FOXP2: variants seen among roughly 807,000 people sequenced by gnomAD.
FOXP2 encodes forkhead box P2.
Under a neutral mutation model 115.8 loss-of-function variants are expected in FOXP2, and 12 were observed. The ratio of observed to expected loss-of-function variants is 0.10; its 90% CI spans 0.07 to 0.17. FOXP2 has a LOEUF of 0.17. FOXP2 is among the 10% of genes least tolerant of loss of function. FOXP2 has a pLI of 1.00. For missense variants in FOXP2, 629 were observed against 843.5 expected (o/e 0.75, Z 3.15); for synonymous variants, 328 against 297.7 (o/e 1.10, Z -1.05).
intron 3 of FOXP2, among the ~76,000 whole-genome samples, chr7:114,549,797 AT>A (rs1252292110): frequency 6.6e-6 from 1 of 151,474 alleles, no homozygotes; most frequent in African/African-American, 2.4e-5. Flanking sequence ...TTAAAAAAAA[AT>A]AGTATAATAA....
At chr7:114,176,298 T>TTCTCTCTCTCTCTCTCTCTCTCTC (rs1554426487) in intron 1 of FOXP2, among the ~76,000 whole-genome samples, 11 of 76,570 alleles carry the variant, frequency 1.4e-4, no homozygotes, top group African/African-American at 5.4e-4. Context: ...CTTTCTTTCT[T>TTCTCTCTCTCTCTCTCTCTCTCTC]TCTCTCTCTC....
chr7:114,372,972 C>G (rs1055847772), intron 2 of FOXP2, among the ~76,000 whole-genome samples: 2 of 151,928 alleles, frequency 1.3e-5, no homozygotes, highest in African/African-American at 4.8e-5. Context: ...TGTAATCATA[C>G]TGGCACGAAA....
chr7:114,653,407 T>A, intron 9 of FOXP2: 1 of 162,060 alleles, frequency 6.2e-6, no homozygotes, highest in South Asian at 1.8e-4. Flanking sequence ...CGTGGCAGAG[T>A]TCAGCGTTTC....
At chr7:114,086,726 T>C (rs973635129), upstream of FOXP2, 8 of 228,324 alleles carry the variant, frequency 3.5e-5, no homozygotes, top group African/African-American at 1.9e-4. Flanking sequence ...CCTCCCGCGG[T>C]GGCGACAAAG....
At chr7:114,354,261 G>T (rs1437527229) in intron 2 of FOXP2, among the ~76,000 whole-genome samples, 3 of 152,062 alleles carry the variant, frequency 2.0e-5, no homozygotes, top group Non-Finnish European at 4.4e-5. Flanking sequence ...TTTGGACTCA[G>T]ACTGAATTAT....
intron 2 of FOXP2, among the ~76,000 whole-genome samples, chr7:114,370,816 T>C (rs1317994193): frequency 2.0e-5 from 3 of 152,334 alleles, no homozygotes; most frequent in Admixed American, 2.0e-4. Context: ...TGACCAGTAG[T>C]AGTAATTAAG....
At chr7:114,354,636 C>T (rs569824427) in intron 2 of FOXP2, among the ~76,000 whole-genome samples, 2 of 152,142 alleles carry the variant, frequency 1.3e-5, no homozygotes, top group East Asian at 1.9e-4. Flanking sequence ...AATGTCATCT[C>T]AATTCTACCT....
rs1002542173 is a variant in FOXP2, at chr7:114,374,683, T to TC, written c.-10-51812dup. ...ATAATCATTTGTGCACTATTGTTTA[T>TC]CCCCCCCTACTGTACTGTAACTTCT... On this transcript the variant is annotated intron_variant, in intron 2 of 17. Coordinates refer to the FOXP2 transcript ENST00000634411. Among the ~76,000 whole-genome samples, 13 of 152,284 alleles carry TC rather than the reference T, an allele frequency of 8.5e-5. 1 individual carries two copies. Among genetic ancestry groups the TC allele is most frequent in the Non-Finnish European group, 1.2e-4 (8 of 68,010 alleles).
intron 1 of FOXP2, among the ~76,000 whole-genome samples, chr7:114,142,561 A>G (rs1274859657): frequency 6.6e-6 from 1 of 152,194 alleles, no homozygotes; most frequent in African/African-American, 2.4e-5. Context: ...TGTGGAAAGT[A>G]AGAGCTTACA....
At chr7:114,524,444 C>T (rs73429330) in intron 2 of FOXP2, among the ~76,000 whole-genome samples, 3,944 of 152,110 alleles carry the variant, frequency 0.026, 173 homozygotes, top group African/African-American at 0.087. Flanking sequence ...TCTTTTACTG[C>T]ATAAAAGTCC....
chr7:114,499,132 C>T, intron 2 of FOXP2: 1 of 514,088 alleles, frequency 1.9e-6, no homozygotes, highest in Non-Finnish European at 3.4e-6. Context: ...AACCACTGGC[C>T]TAGAAGAAAT....
chr7:114,269,032 G>T (rs770938479), intron 1 of FOXP2, among the ~76,000 whole-genome samples: 9 of 151,986 alleles, frequency 5.9e-5, no homozygotes, highest in Admixed American at 6.6e-5. Context: ...ATATTATAAA[G>T]ACATTTTCTT....
chr7:114,249,365 C>T (rs189758046), intron 1 of FOXP2, among the ~76,000 whole-genome samples: 132 of 152,140 alleles, frequency 8.7e-4, no homozygotes, highest in Non-Finnish European at 1.7e-3. Flanking sequence ...CTCTCCTTCC[C>T]CCCCGTTCCC....
intron 1 of FOXP2, among the ~76,000 whole-genome samples, chr7:114,133,484 A>G (rs1791946503): frequency 6.6e-6 from 1 of 152,246 alleles, no homozygotes. Context: ...GTGGGTTCCT[A>G]GAAAGAAACA....
intron 1 of FOXP2, among the ~76,000 whole-genome samples, chr7:114,102,219 A>G (rs370090567): frequency 9.9e-4 from 150 of 151,482 alleles, no homozygotes; most frequent in African/African-American, 3.5e-3. Context: ...ATATTTTCTA[A>G]TTTTTTCTTT....
intron 1 of FOXP2, among the ~76,000 whole-genome samples, chr7:114,223,203 C>T (rs561860204): frequency 3.9e-5 from 6 of 152,000 alleles, no homozygotes; most frequent in African/African-American, 1.4e-4. Context: ...ATGGATGCAT[C>T]AGTTTACACT....
intron 3 of FOXP2, chr7:114,538,261 CA>C: frequency 8.8e-7 from 1 of 1,133,356 alleles, no homozygotes; most frequent in Non-Finnish European, 1.2e-6. Flanking sequence ...TAGCCTATGA[CA>C]AATCTACTTA....
chr7:114,119,929 A>G (rs1325859662), intron 1 of FOXP2, among the ~76,000 whole-genome samples: 1 of 152,140 alleles, frequency 6.6e-6, no homozygotes, highest in Non-Finnish European at 1.5e-5. Flanking sequence ...AAGACTTCTT[A>G]CAAGCTCTTG....
intron 6 of FOXP2, among the ~76,000 whole-genome samples, chr7:114,641,584 A>T (rs1275214619): frequency 6.6e-6 from 1 of 151,848 alleles, no homozygotes; most frequent in Non-Finnish European, 1.5e-5. Flanking sequence ...TAATTGTCAA[A>T]TCTCCTATTT....
Sources: allele counts gnomAD v4.1 joint callset (sites outside exome capture counted in the v4.1 genomes callset), GRCh38; gene constraint gnomAD v4.1.1; transcripts MANE v1.5; gene names NCBI Gene and HGNC (gene_info 2026-07-23, HGNC 2026-07-21).